The following PTCHD4 variants were observed in gnomAD, a reference collection of about 807,000 sequenced individuals.
PTCHD4 encodes the protein patched domain-containing protein 4.
A neutral mutation model predicts 58.1 loss-of-function variants in PTCHD4; 33 were observed. That is an observed-to-expected ratio of 0.57 (90% CI 0.43 to 0.76). The LOEUF (loss-of-function observed/expected upper bound fraction) is 0.76, where lower values mean the gene tolerates loss of function less well. Ranked by LOEUF, PTCHD4 falls within the 30% of genes least tolerant of loss-of-function variation. PTCHD4 has a pLI of 0.00. For synonymous variants in PTCHD4, 478 were observed against 409.6 expected (o/e 1.17, Z -2.02); for missense variants, 1,058 against 1,027.1 (o/e 1.03, Z -0.41).
intron 4 of PTCHD4, among the ~76,000 whole-genome samples, chr6:47,898,332 T>C (rs1207628916): frequency 2.0e-5 from 3 of 152,178 alleles, no homozygotes; most frequent in African/African-American, 7.2e-5. Flanking sequence ...TTGGGTAACC[T>C]CCAGAGACTT....
chr6:48,051,126 A>G (rs573998516), intron 3 of PTCHD4, among the ~76,000 whole-genome samples: 1 of 152,106 alleles, frequency 6.6e-6, no homozygotes, highest in South Asian at 2.1e-4. Flanking sequence ...ATTATTTTTA[A>G]TCAACAAATT....
At chr6:48,005,663 G>A (rs77924869) in intron 4 of PTCHD4, among the ~76,000 whole-genome samples, 1,720 of 152,228 alleles carry the variant, frequency 0.011, 39 homozygotes, top group African/African-American at 0.039. Flanking sequence ...AAGCCTCTCT[G>A]TCTCTCTCTT....
intron 3 of PTCHD4, among the ~76,000 whole-genome samples, chr6:48,062,201 T>A (rs1000915262): frequency 6.6e-6 from 1 of 152,188 alleles, no homozygotes; most frequent in Non-Finnish European, 1.5e-5. Context: ...TAGAAAAGAT[T>A]AAGAAAATAA....
chr6:48,031,698 T>C (rs1316832770), intron 3 of PTCHD4, among the ~76,000 whole-genome samples: 1 of 152,160 alleles, frequency 6.6e-6, no homozygotes, highest in Non-Finnish European at 1.5e-5. Flanking sequence ...ATAGTCTCCA[T>C]TGATGAAGCA....
At chr6:48,012,248 G>C (rs527928618) in intron 3 of PTCHD4, among the ~76,000 whole-genome samples, 1 of 152,052 alleles carries the variant, frequency 6.6e-6, no homozygotes, top group African/African-American at 2.4e-5. Context: ...TTATTTCCTC[G>C]AGTGGTGGTT....
intron 4 of PTCHD4, among the ~76,000 whole-genome samples, chr6:47,903,971 T>A (rs949549842): frequency 6.6e-6 from 1 of 152,098 alleles, no homozygotes; most frequent in Non-Finnish European, 1.5e-5. Flanking sequence ...GAGAAGCATA[T>A]TCCTGATAGA....
At chr6:48,080,125 G>T (rs1765136211) in intron 1 of PTCHD4, among the ~76,000 whole-genome samples, 1 of 151,762 alleles carries the variant, frequency 6.6e-6, no homozygotes, top group Non-Finnish European at 1.5e-5. Flanking sequence ...AATTTCCTCA[G>T]AAAATATAAG....
chr6:47,907,574 A>G (rs1359166909), intron 4 of PTCHD4, among the ~76,000 whole-genome samples: 4 of 152,162 alleles, frequency 2.6e-5, no homozygotes, highest in Admixed American at 2.6e-4. Flanking sequence ...GGGGCTGGAG[A>G]AGCCCATGAC....
In PTCHD4 at chr6:47,968,449, T is replaced by G. The variant is rs912163145; in HGVS notation, c.898+40185A>C. On this transcript the variant is annotated intron_variant, in intron 4 of 4. Coordinates refer to ENST00000339488, the MANE Select transcript of PTCHD4 (RefSeq NM_001384253.1). ...ACAGATACATGAAATGAACACGTGC[T>G]TTTGGAAAAATGGCACTGATATACT... Among the ~76,000 whole-genome samples the G allele has an allele frequency of 2.0e-5, 3 of 152,024 alleles. No homozygotes were observed. The South Asian group carries it at 6.3e-4, about 32-fold the overall frequency.
intron 4 of PTCHD4, among the ~76,000 whole-genome samples, chr6:47,882,332 G>A (rs1228872125): frequency 6.6e-6 from 1 of 151,990 alleles, no homozygotes; most frequent in East Asian, 1.9e-4. Flanking sequence ...AAGGCCTGTA[G>A]GTGTAGGAAG....
intron 4 of PTCHD4, among the ~76,000 whole-genome samples, chr6:47,890,259 C>T (rs1561941545): frequency 1.3e-5 from 2 of 151,562 alleles, no homozygotes; most frequent in Admixed American, 6.6e-5. Flanking sequence ...AGAGAAATAG[C>T]AATAGAGATG....
chr6:47,956,650 G>A lies in PTCHD4; in HGVS notation c.898+51984C>T, dbSNP rs1037742667. On this transcript the variant is annotated intron_variant, in intron 4 of 4. Transcript: ENST00000339488. ...GGGTTTCACCGTGTTAGTCAAGATG[G>A]TATTGATCTCCTGACCTCGCGATCT... Among the ~76,000 whole-genome samples, 9 of 151,998 alleles carry A rather than the reference G, an allele frequency of 5.9e-5. 1 individual carries two copies. The highest frequency in any genetic ancestry group is 5.2e-4 in the Admixed American group (8 of 15,280).
At chr6:48,018,140 C>T (rs550717005) in intron 3 of PTCHD4, among the ~76,000 whole-genome samples, 61 of 152,186 alleles carry the variant, frequency 4.0e-4, no homozygotes, top group Non-Finnish European at 6.9e-4. Context: ...TCCATATTTC[C>T]CAGCAAATGT....
chr6:48,080,302 G>C (rs193125180), intron 1 of PTCHD4, among the ~76,000 whole-genome samples: 32 of 152,254 alleles, frequency 2.1e-4, no homozygotes, highest in Admixed American at 1.0e-3. Context: ...AGTTTTATAT[G>C]ACTGTTCACA....
chr6:47,922,151 T>A (rs1455844027), intron 4 of PTCHD4, among the ~76,000 whole-genome samples: 1 of 151,752 alleles, frequency 6.6e-6, no homozygotes, highest in African/African-American at 2.4e-5. Context: ...GAAAAAAAAG[T>A]TACTATTTTG....
At chr6:47,890,462 C>A (rs1230378129) in intron 4 of PTCHD4, among the ~76,000 whole-genome samples, 1 of 152,114 alleles carries the variant, frequency 6.6e-6, no homozygotes, top group African/African-American at 2.4e-5. Context: ...TTGTAAGCCT[C>A]CACGTATCTG....
At chr6:48,048,542 T>A (rs574212238) in intron 3 of PTCHD4, among the ~76,000 whole-genome samples, 2 of 152,074 alleles carry the variant, frequency 1.3e-5, no homozygotes, top group Admixed American at 1.3e-4. Context: ...ATAACATTTT[T>A]TCTACAGCTT....
At chr6:48,102,888 C>T (rs548978708) in intron 1 of PTCHD4, among the ~76,000 whole-genome samples, 60 of 152,274 alleles carry the variant, frequency 3.9e-4, no homozygotes, top group East Asian at 1.2e-3. Context: ...AACTGCAAGG[C>T]GGCAGTGAGG....
intron 1 of PTCHD4, among the ~76,000 whole-genome samples, chr6:48,095,311 G>A (rs896624514): frequency 2.0e-5 from 3 of 152,104 alleles, no homozygotes; most frequent in African/African-American, 4.8e-5. Flanking sequence ...TTGCACCTAC[G>A]AAGATATACC....
Sources: gnomAD v4.1 joint callset for allele counts (sites outside exome capture counted in the v4.1 genomes callset) on GRCh38, gnomAD v4.1.1 for gene constraint, MANE v1.5 for transcripts, NCBI Gene and HGNC (gene_info 2026-07-23, HGNC 2026-07-21) for gene names.